The following GRID2 variants were observed in gnomAD, a reference collection of about 807,000 sequenced individuals.
GRID2 encodes glutamate receptor ionotropic, delta-2.
Under a neutral mutation model 114.8 loss-of-function variants are expected in GRID2, and 33 were observed. That is an observed-to-expected ratio of 0.29 (90% confidence interval 0.22 to 0.38). The LOEUF is 0.38. Among genes scored for constraint, GRID2 ranks in the 10% least tolerant of loss-of-function variants. The probability of loss-of-function intolerance (pLI) is 1.00; values close to 1 mark genes in which losing one functional copy is unlikely to be tolerated. For missense variants in GRID2, 1,184 were observed against 1,257.7 expected (o/e 0.94, Z 0.89); for synonymous variants, 505 against 449.9 (o/e 1.12, Z -1.55).
intron 8 of GRID2, among the ~76,000 whole-genome samples, chr4:93,314,515 G>A (rs958811375): frequency 2.0e-5 from 3 of 151,872 alleles, no homozygotes; most frequent in Non-Finnish European, 4.4e-5. Flanking sequence ...TTCATCTAAA[G>A]ACCTTTGCCT....
chr4:92,488,304 T>C (rs1311196966), intron 1 of GRID2, among the ~76,000 whole-genome samples: 1 of 152,134 alleles, frequency 6.6e-6, no homozygotes, highest in African/African-American at 2.4e-5. Flanking sequence ...ATTCAACCCA[T>C]CGAAGAGCTG....
intron 1 of GRID2, among the ~76,000 whole-genome samples, chr4:93,803,498 C>A (rs1166162405): frequency 6.6e-6 from 1 of 151,970 alleles, no homozygotes; most frequent in East Asian, 1.9e-4. Context: ...CCAAGATGGG[C>A]GGATCACAAG....
At chr4:92,728,781 T>C (rs1736184006) in intron 2 of GRID2, among the ~76,000 whole-genome samples, 1 of 151,946 alleles carries the variant, frequency 6.6e-6, no homozygotes, top group African/African-American at 2.4e-5. Flanking sequence ...TTGGAGCTTA[T>C]CATAATGTTG....
chr4:92,588,932 G>A (rs1291925211), intron 1 of GRID2, among the ~76,000 whole-genome samples: 1 of 151,610 alleles, frequency 6.6e-6, no homozygotes, highest in African/African-American at 2.4e-5. Context: ...GTGAAATCCC[G>A]TCTCTACTAA....
chr4:93,350,583 T>A (rs183771111), intron 8 of GRID2, among the ~76,000 whole-genome samples: 2,348 of 151,682 alleles, frequency 0.015, 58 homozygotes, highest in African/African-American at 0.049. Context: ...CTATTTTTTT[T>A]AAAAAAAATC....
intron 14 of GRID2, among the ~76,000 whole-genome samples, chr4:93,657,318 ATACT>A (rs1254060499): frequency 7.2e-5 from 11 of 152,084 alleles, no homozygotes; most frequent in African/African-American, 2.4e-4. Context: ...ATCATATGTA[ATACT>A]TAGGATACTG....
At chr4:92,949,753 A>G (rs186594224) in intron 2 of GRID2, among the ~76,000 whole-genome samples, 1 of 152,006 alleles carries the variant, frequency 6.6e-6, no homozygotes, top group East Asian at 1.9e-4. Flanking sequence ...ACCATCCAAC[A>G]AATTGAAACT....
chr4:93,273,435 T>C (rs1342044288), intron 8 of GRID2, among the ~76,000 whole-genome samples: 12 of 147,110 alleles, frequency 8.2e-5, no homozygotes, highest in Admixed American at 6.3e-4. Flanking sequence ...ACATTGATTA[T>C]ATTTTTGTGG....
intron 1 of GRID2, among the ~76,000 whole-genome samples, chr4:92,503,851 G>T (rs1723816250): frequency 6.6e-6 from 1 of 152,068 alleles, no homozygotes; most frequent in South Asian, 2.1e-4. Flanking sequence ...GAATAATCAT[G>T]AATATTTATT....
intron 2 of GRID2, among the ~76,000 whole-genome samples, chr4:92,739,195 C>T (rs1454007073): frequency 6.6e-6 from 1 of 152,100 alleles, no homozygotes; most frequent in Admixed American, 6.6e-5. Context: ...TACCCTAGAA[C>T]ATGACAACTT....
At chr4:92,928,009 G>T (rs913309175) in intron 2 of GRID2, among the ~76,000 whole-genome samples, 1 of 151,564 alleles carries the variant, frequency 6.6e-6, no homozygotes, top group African/African-American at 2.4e-5. Context: ...TTTCAGATTT[G>T]GGTTTTTGGA....
rs141898738 is a variant in GRID2 at position 92,865,601 on chromosome 4, G to A, written c.245-219394G>A. On this transcript the variant is annotated intron_variant, in intron 2 of 15. Transcript: ENST00000282020. ...CATATTCCCTTCAGGCTAAAGTGGT[G>A]TGTAAAATTTTCTCTAGATGAAGTA... is the stretch of plus-strand genomic sequence containing the variant. Among the ~76,000 whole-genome samples, 7 of 152,242 alleles carry A rather than the reference G, an allele frequency of 4.6e-5. No homozygotes were observed. The East Asian group carries it at 1.4e-3, about 29-fold the overall frequency.
intron 11 of GRID2, among the ~76,000 whole-genome samples, chr4:93,456,381 CAG>C (rs1473829815): frequency 7.2e-5 from 11 of 152,118 alleles, no homozygotes; most frequent in African/African-American, 2.7e-4. Context: ...GTTCTTTGTT[CAG>C]AGACATTATT....
At chr4:92,426,729 A>G (rs899427305) in intron 1 of GRID2, among the ~76,000 whole-genome samples, 1 of 152,070 alleles carries the variant, frequency 6.6e-6, no homozygotes, top group African/African-American at 2.4e-5. Context: ...TATCACATAC[A>G]TTTTTTTCAC....
At chr4:92,345,275 C>A (rs1259446255) in intron 1 of GRID2, among the ~76,000 whole-genome samples, 1 of 152,216 alleles carries the variant, frequency 6.6e-6, no homozygotes, top group Non-Finnish European at 1.5e-5. Flanking sequence ...CAAGTTGCTA[C>A]AAAAGAAATT....
At chr4:93,460,778 A>G (rs1275879064) in intron 11 of GRID2, among the ~76,000 whole-genome samples, 1 of 152,156 alleles carries the variant, frequency 6.6e-6, no homozygotes, top group East Asian at 1.9e-4. Context: ...TTTGTTTATT[A>G]GATTATAGTC....
rs201672519 is a variant in GRID2 at position 92,709,514 on chromosome 4, TG to T, written c.244+119230del. Among the ~76,000 whole-genome samples, 44 of 147,722 alleles carry T rather than the reference TG, an allele frequency of 3.0e-4. No individual in the cohort carries two copies. In the East Asian group the frequency reaches 9.0e-3, roughly 30 times the overall value. On this transcript the variant is annotated intron_variant, in intron 2 of 15. Coordinates refer to ENST00000282020, the MANE Select transcript of GRID2 (RefSeq NM_001510.4). ...GAGAAAAACTAGGAACGTTTGTGTC[TG>T]GCAAGTAATGTCCTTACTGAAATTT...
intron 2 of GRID2, among the ~76,000 whole-genome samples, chr4:92,747,948 G>T (rs928868557): frequency 1.3e-5 from 2 of 152,102 alleles, no homozygotes; most frequent in Non-Finnish European, 2.9e-5. Context: ...TATACTAGAA[G>T]TTTCTGACTT....
chr4:92,778,796 C>T (rs1738927181), intron 2 of GRID2, among the ~76,000 whole-genome samples: 1 of 151,910 alleles, frequency 6.6e-6, no homozygotes, highest in Non-Finnish European at 1.5e-5. Context: ...CCATCTAGTG[C>T]TTATTAGTGG....
Sources: gnomAD v4.1 joint callset for allele counts (sites outside exome capture counted in the v4.1 genomes callset) on GRCh38, gnomAD v4.1.1 for gene constraint, MANE v1.5 for transcripts, NCBI Gene and HGNC (gene_info 2026-07-23, HGNC 2026-07-21) for gene names.